MAPK8IP2: variants seen among roughly 807,000 people sequenced by gnomAD.
The protein encoded by MAPK8IP2 is mitogen-activated protein kinase 8 interacting protein 2, also known as C-Jun-amino-terminal kinase-interacting protein 2.
A neutral mutation model predicts 75.6 loss-of-function variants in MAPK8IP2; 15 were observed. That is an observed-to-expected ratio of 0.20 (90% CI 0.13 to 0.31). The LOEUF (loss-of-function observed/expected upper bound fraction) is 0.31, where lower values mean the gene tolerates loss of function less well. Ranked by LOEUF, MAPK8IP2 falls within the 10% of genes least tolerant of loss-of-function variation. The probability of loss-of-function intolerance (pLI) is 1.00; values close to 1 mark genes in which losing one functional copy is unlikely to be tolerated. For missense variants in MAPK8IP2, 1,089 were observed against 1,211.2 expected (o/e 0.90, Z 1.50); for synonymous variants, 632 against 554.5 (o/e 1.14, Z -1.96).
In MAPK8IP2 at chr22:50,610,005, GTGAACTCT is replaced by G. The variant is rs772449234; in HGVS notation, c.2304-204_2304-197del. The G allele has an allele frequency of 4.1e-6, 3 of 731,800 alleles. No homozygotes were observed. Among genetic ancestry groups the G allele is most frequent in the Non-Finnish European group, 7.5e-6 (3 of 398,658 alleles). 45.3% of individuals were successfully genotyped at this position (731,800 alleles called of 1,614,324 possible). On this transcript the variant is annotated intron_variant, in intron 10 of 11. Transcript: ENST00000329492. This position sits in a 1 kb window ranked among gnomAD's most constrained non-coding sequence, Gnocchi z 4.3. ...GGTCATCATGGAATTAACTCAGAGC[GTGAACTCT>G]TGGTAGGTGCCCAGCCCTGTGCTTG...
chr22:50,605,846 G>T lies in MAPK8IP2; in HGVS notation c.2036G>T (p.Trp679Leu). 6.3e-7 allele frequency: 1 copy of T among 1,587,560 alleles called. No homozygotes were observed. Among genetic ancestry groups the T allele is most frequent in the East Asian group, 2.3e-5 (1 of 43,342 alleles). The change falls in exon 8 of 12, where the codon TGG becomes TTG. Residue 679 changes from tryptophan to leucine, a missense_variant. By Grantham distance (61) the Trp-to-Leu change is moderately conservative. This residue lies in a region of MAPK8IP2 where 960 missense variants were observed against 1,009.6 expected (regional missense o/e 0.95). Transcript: ENST00000329492. Reference sequence around the variant, plus strand: ...CCAGGGAGTAAGCGGAGCCCCTGCTGGGTGGAGCGCTTTGACGTGCAGTTC... The same window carrying T: ...CCAGGGAGTAAGCGGAGCCCCTGCTTGGTGGAGCGCTTTGACGTGCAGTTC... ...DLLGSKRSPC[W>L]VERFDVQFLG...
Position 50,604,879 on chromosome 22 carries a change from G to A in MAPK8IP2, c.1580G>A (p.Arg527Gln), listed in dbSNP as rs1235448432. The change falls in exon 5 of 12, where the codon CGG becomes CAG. Residue 527 changes from arginine (R) to glutamine (Q), a missense_variant. Physicochemically the swap from Arg to Gln is conservative, Grantham distance 43. This residue lies in a region of MAPK8IP2 where 960 missense variants were observed against 1,009.6 expected (regional missense o/e 0.95). Transcript: ENST00000329492. Reference protein sequence around the residue: ...EHTQLELVSLRRCAGLGHDSE... With the variant: ...EHTQLELVSLQRCAGLGHDSE... Reference sequence around the variant, plus strand: ...ACGCAGCTGGAGCTGGTGAGCCTGCGGCGCTGTGCTGGGCTGGGCCACGAC... The same window carrying A: ...ACGCAGCTGGAGCTGGTGAGCCTGCAGCGCTGTGCTGGGCTGGGCCACGAC... 1 of 1,606,388 alleles carries A rather than the reference G, an allele frequency of 6.2e-7. No individual in the cohort carries two copies. Among genetic ancestry groups the A allele is most frequent in the East Asian group, 2.2e-5 (1 of 44,636 alleles).
Position 50,601,785 on chromosome 22 carries a change from C to T in MAPK8IP2, c.66-4C>T. 1 of 1,612,748 alleles carries T rather than the reference C, an allele frequency of 6.2e-7. No individual in the cohort carries two copies. On this transcript the variant is annotated splice_region_variant and splice_polypyrimidine_tract_variant and intron_variant, in intron 1 of 11. Coordinates refer to ENST00000329492, the MANE Select transcript of MAPK8IP2 (RefSeq NM_012324.6). ...TGGCTCTCTGACCCTGGTCTCCTTT[C>T]CAGGCCTCCCCAGGACATAAGCCTG... is the stretch of plus-strand genomic sequence containing the variant.
rs1190809200 is a variant in MAPK8IP2, at chr22:50,605,616, G to T, written c.1896G>T (p.Leu632Phe). The T allele has an allele frequency of 6.2e-7, 1 of 1,608,776 alleles. No homozygotes were observed. Residue 632 changes from leucine (L) to phenylalanine (F), a missense_variant, in exon 7 of 12, where the codon TTG becomes TTT. By Grantham distance (22) the Leu-to-Phe change is conservative. Around this residue, in one of 2 missense-constraint regions of MAPK8IP2, gnomAD observed 960 missense variants for 1,009.6 expected, o/e 0.95. Transcript: ENST00000329492. ...AGCTGGATGTGGATGACCCTGTGTT[G>T]GTGGAGGCCGAGGAGGACGACTTCT... ...ELELDVDDPV[L>F]VEAEEDDFWF... is the part of the protein sequence containing the mutation.
At position 50,604,923 on chromosome 22, in the gene MAPK8IP2, G is replaced by C. The variant is rs750135232; in HGVS notation, c.1624G>C (p.Gly542Arg). Reference protein sequence around the residue: ...LGHDSEEDSGGEASEEEAGAA... With the variant: ...LGHDSEEDSGREASEEEAGAA... The stretch of plus-strand genomic sequence containing the variant: ...CCACGACAGCGAAGAGGACAGCGGC[G>C]GGGAGGCCAGCGAGGAGGAGGCGGG... The change falls in exon 5 of 12, where the codon GGG becomes CGG. Residue 542 changes from glycine (G) to arginine (R), a missense_variant. Transcript: ENST00000329492. The C allele has an allele frequency of 4.4e-6, 7 of 1,607,860 alleles. No homozygotes were observed. Among genetic ancestry groups the C allele is most frequent in the Non-Finnish European group, 5.9e-6 (7 of 1,177,582 alleles).
chr22:50,602,849 C>T (rs539711865), intron 2 of MAPK8IP2, among the ~76,000 whole-genome samples: 2 of 152,286 alleles, frequency 1.3e-5, no homozygotes, highest in East Asian at 1.9e-4. Flanking sequence ...ATGACCCTGC[C>T]CTGGTGGGGC....
rs2070996925 is a variant in MAPK8IP2 at position 50,604,188 on chromosome 22, A to C, written c.889A>C (p.Ile297Leu). ...SGRSSHLTNS[I>L]EEASSPASEP... is the part of the protein sequence containing the mutation. ...CCGCTCCTCGCACCTCACCAACTCC[A>C]TCGAGGAGGCCTCGTCGCCCGCCTC... is the stretch of plus-strand genomic sequence containing the variant. The change falls in exon 5 of 12, where the codon ATC (isoleucine) becomes CTC (leucine). Residue 297 changes from isoleucine to leucine, a missense_variant. Coordinates refer to ENST00000329492, the MANE Select transcript of MAPK8IP2 (RefSeq NM_012324.6). The C allele has an allele frequency of 6.5e-7, 1 of 1,546,608 alleles. No homozygotes were observed. The highest frequency in any genetic ancestry group is 8.7e-7 in the Non-Finnish European group (1 of 1,154,238).
Position 50,610,385 on chromosome 22 carries a change from G to A in MAPK8IP2, c.2402+75G>A. On this transcript the variant is annotated intron_variant, in intron 11 of 11. Coordinates refer to ENST00000329492, the MANE Select transcript of MAPK8IP2 (RefSeq NM_012324.6). This position sits in a 1 kb window ranked among gnomAD's most constrained non-coding sequence, Gnocchi z 4.3. ...GGTGGGGAGCGGAGGTGAGCAGGTG[G>A]GGGCAGGAGCCTGGCAGGGGAGGTC... The A allele has an allele frequency of 8.0e-7, 1 of 1,253,034 alleles. No homozygotes were observed. The highest frequency in any genetic ancestry group is 2.5e-5 in the East Asian group (1 of 39,584). The allele number at this position is 1,253,034 out of a possible 1,614,324, so 77.6% of individuals were successfully genotyped here. A position where few individuals can be genotyped will look rare whatever the true frequency, so the allele number is the denominator to read the frequency against.
Position 50,610,949 on chromosome 22 carries a change from C to T in MAPK8IP2, c.*170C>T. 1.7e-6 allele frequency: 1 copy of T among 588,372 alleles called. No individual in the cohort carries two copies. The highest frequency in any genetic ancestry group is 3.0e-6 in the Non-Finnish European group (1 of 334,396). 36.4% of individuals were successfully genotyped at this position (588,372 alleles called of 1,614,324 possible). A position where few individuals can be genotyped will look rare whatever the true frequency, so the allele number is the denominator to read the frequency against. On this transcript the variant is annotated 3_prime_UTR_variant, in exon 12 of 12. Coordinates refer to ENST00000329492, the MANE Select transcript of MAPK8IP2 (RefSeq NM_012324.6). The surrounding 1 kb of genome is among the most constrained non-coding windows in gnomAD (Gnocchi z 4.3). The stretch of plus-strand genomic sequence containing the variant: ...CTCGTCCTCGGTCCCCAGGGCGCAG[C>T]TGTTGGGGCTGCGGGGGAGTGGAGC...
At chr22:50,601,458 AGC>A in intron 1 of MAPK8IP2, 1 of 257,504 alleles carries the variant, frequency 3.9e-6, no homozygotes, top group South Asian at 6.4e-5. Flanking sequence ...GCCGCGTTGC[AGC>A]TCCCCCTCCC....
rs1603444377 is a variant in MAPK8IP2 at position 50,607,262 on chromosome 22, C to T, written c.2303+271C>T. ...GAAGCCTGTGTGGGTGCAGAGGACGCCTGAGTGGGCCTGGGGCTCAGGATG... is the reference window on the plus strand; with the variant it reads ...GAAGCCTGTGTGGGTGCAGAGGACGTCTGAGTGGGCCTGGGGCTCAGGATG... On this transcript the variant is annotated intron_variant, in intron 10 of 11. Coordinates refer to ENST00000329492, the MANE Select transcript of MAPK8IP2 (RefSeq NM_012324.6). This position sits in a 1 kb window ranked among gnomAD's most constrained non-coding sequence, Gnocchi z 5.6. 6.6e-6 allele frequency among the ~76,000 whole-genome samples: 1 copy of T among 152,104 alleles called. No individual in the cohort carries two copies. The highest frequency in any genetic ancestry group is 1.5e-5 in the Non-Finnish European group (1 of 68,020).
Position 50,604,381 on chromosome 22 carries a change from AG to A in MAPK8IP2, c.1085del (p.Gly362AlafsTer163). 1 of 1,529,714 alleles carries A rather than the reference AG, an allele frequency of 6.5e-7. No homozygotes were observed. The allele number at this position is 1,529,714 out of a possible 1,614,324, so 94.8% of individuals were successfully genotyped here. On this transcript the variant is annotated frameshift_variant, in exon 5 of 12. Transcript: ENST00000329492. LOFTEE classifies it high-confidence loss of function. ...LSNLVSRMIS[E>X]GSSPIRCPGQ... ...AACCTGGTGAGCCGCATGATCTCCG[AG>A]GGCTCCTCGCCCATCCGCTGCCCCG...
Position 50,611,811 on chromosome 22 carries a change from T to C in MAPK8IP2, c.*1032T>C, listed in dbSNP as rs973167810. On this transcript the variant is annotated 3_prime_UTR_variant, in exon 12 of 12. Transcript: ENST00000329492. The surrounding 1 kb of genome is among the most constrained non-coding windows in gnomAD (Gnocchi z 5.5). ...CCGAGGCTGTGCAATGGGGTGTCCT[T>C]TCCACGTGCACGGACTGGGGGCCAG... 3 of 152,236 alleles carry C rather than the reference T, an allele frequency of 2.0e-5. No individual in the cohort carries two copies. The highest frequency in any genetic ancestry group is 7.2e-5 in the African/African-American group (3 of 41,432). 9.4% of individuals were successfully genotyped at this position (152,236 alleles called of 1,614,324 possible).
chr22:50,610,790 G>T lies in MAPK8IP2; in HGVS notation c.*11G>T. On this transcript the variant is annotated 3_prime_UTR_variant, in exon 12 of 12. Transcript: ENST00000329492. The surrounding 1 kb of genome is among the most constrained non-coding windows in gnomAD (Gnocchi z 4.3). ...ATCTACCTGGAGTAGCCTGCCCACC[G>T]CTCTGTCTCCTGGCCGTCTGCTCCA... 1 of 1,598,426 alleles carries T rather than the reference G, an allele frequency of 6.3e-7. No individual in the cohort carries two copies. Among genetic ancestry groups the T allele is most frequent in the Non-Finnish European group, 8.5e-7 (1 of 1,173,090 alleles).
At position 50,604,502 on chromosome 22, in the gene MAPK8IP2, G is replaced by A. The variant is rs1349004340; in HGVS notation, c.1203G>A (p.Ala401=). The A allele has an allele frequency of 8.2e-7, 1 of 1,221,196 alleles. No homozygotes were observed. The highest frequency in any genetic ancestry group is 1.0e-6 in the Non-Finnish European group (1 of 983,086). The allele number at this position is 1,221,196 out of a possible 1,614,324, so 75.6% of individuals were successfully genotyped here. ...ACTCCCAGGACCCCGAGGCGGCCGCGGGGCCCGGCGGCGTGGAGCTGGTGG... is the reference window on the plus strand; with the variant it reads ...ACTCCCAGGACCCCGAGGCGGCCGCAGGGCCCGGCGGCGTGGAGCTGGTGG... The part of the protein sequence containing the change: ...AQDSQDPEAA[A]GPGGVELVDM... The change falls in exon 5 of 12, where the codon GCG becomes GCA. Residue 401 remains alanine (A), a synonymous_variant. Coordinates refer to ENST00000329492, the MANE Select transcript of MAPK8IP2 (RefSeq NM_012324.6).
Position 50,611,974 on chromosome 22 carries a change from C to G in MAPK8IP2, c.*1195C>G. The G allele has an allele frequency of 6.6e-6, 1 of 152,152 alleles. No individual in the cohort carries two copies. Among genetic ancestry groups the G allele is most frequent in the East Asian group, 1.9e-4 (1 of 5,168 alleles). The allele number at this position is 152,152 out of a possible 1,614,324, so 9.4% of individuals were successfully genotyped here. On this transcript the variant is annotated 3_prime_UTR_variant, in exon 12 of 12. Transcript: ENST00000329492. This position sits in a 1 kb window ranked among gnomAD's most constrained non-coding sequence, Gnocchi z 5.5. ...ATCACCTGAGGTCAGGAGTTTGAGA[C>G]CAGCTTGGCCAACATGGTGAAACCC... is the stretch of plus-strand genomic sequence containing the variant.
chr22:50,609,243 C>T (rs1365825785), intron 10 of MAPK8IP2, among the ~76,000 whole-genome samples: 1 of 152,096 alleles, frequency 6.6e-6, no homozygotes, highest in Non-Finnish European at 1.5e-5. Flanking sequence ...GTGTTGGGAT[C>T]ACAGACTGTA....
In MAPK8IP2 at chr22:50,612,879, C is replaced by T. The variant is rs1337775202; in HGVS notation, c.*2100C>T. The T allele has an allele frequency of 6.6e-6, 1 of 152,482 alleles. No homozygotes were observed. Among genetic ancestry groups the T allele is most frequent in the Admixed American group, 6.6e-5 (1 of 15,140 alleles). The allele number at this position is 152,482 out of a possible 1,614,324, so 9.4% of individuals were successfully genotyped here. ...GCGCCCCCGTCCCGCCCCTGCCCGG[C>T]CTGGCCCCGCCCCTGCCCGGCCCCG... On this transcript the variant is annotated 3_prime_UTR_variant, in exon 12 of 12. Transcript: ENST00000329492.
chr22:50,604,789 C>G lies in MAPK8IP2; in HGVS notation c.1490C>G (p.Ser497Trp), dbSNP rs544716543. The G allele has an allele frequency of 6.5e-7, 1 of 1,546,788 alleles. No individual in the cohort carries two copies. Among genetic ancestry groups the G allele is most frequent in the African/African-American group, 1.4e-5 (1 of 73,120 alleles). Residue 497 changes from serine to tryptophan, a missense_variant, in exon 5 of 12, where the codon TCG (serine) becomes TGG (tryptophan). Around this residue, in one of 2 missense-constraint regions of MAPK8IP2, gnomAD observed 960 missense variants for 1,009.6 expected, o/e 0.95. Transcript: ENST00000329492. Reference sequence around the variant, plus strand: ...CCCGGGGGCAGGGGCACGGGCCCCTCGGCGCCGCGGGACGCGTCGCTGGTG... The same window carrying G: ...CCCGGGGGCAGGGGCACGGGCCCCTGGGCGCCGCGGGACGCGTCGCTGGTG... ...GSPGGRGTGP[S>W]APRDASLVYD...
Sources: allele counts gnomAD v4.1 joint callset (sites outside exome capture counted in the v4.1 genomes callset), GRCh38; gene constraint gnomAD v4.1.1; regional missense constraint gnomAD v4.1.1; non-coding constraint Gnocchi (gnomAD v3.1); transcripts MANE v1.5; gene names NCBI Gene and HGNC (gene_info 2026-07-23, HGNC 2026-07-21).